Variants in REC114 observed in about 807,000 individuals in gnomAD.
REC114 encodes the protein REC114 meiotic recombination protein, also known as meiotic recombination protein REC114.
Under a neutral mutation model 31.3 loss-of-function variants are expected in REC114, and 27 were observed. The observed-to-expected ratio is 0.86, with a 90% CI of 0.64 to 1.19. The LOEUF (loss-of-function observed/expected upper bound fraction) is 1.19. Ranked by LOEUF, REC114 falls within the 50% of genes most tolerant of loss-of-function variation. The pLI is 0.00. For missense variants in REC114, 344 were observed against 326.9 expected, an observed-to-expected ratio of 1.05 and a Z score of -0.40; for synonymous variants, 134 against 127.7, an observed-to-expected ratio of 1.05 and a Z score of -0.33.
rs1893169820 is a variant in REC114, at chr15:73,473,832, G to GT, written c.165dup (p.Asp56Ter). On this transcript the variant is annotated frameshift_variant and splice_region_variant, in exon 2 of 6. Transcript: ENST00000331090. LOFTEE classifies it high-confidence loss of function. ...TATTTTTCTCCTTCTCCCTTTCAAGGTTTTTGATTCCAATGAAGAATCTGG... is the reference window on the plus strand; with the variant it reads ...TATTTTTCTCCTTCTCCCTTTCAAGGTTTTTTGATTCCAATGAAGAATCTGG... 2 of 1,553,224 alleles carry GT rather than the reference G, an allele frequency of 1.3e-6. No homozygotes were observed. Among genetic ancestry groups the GT allele is most frequent in the Non-Finnish European group, 1.8e-6 (2 of 1,141,708 alleles).
intron 3 of REC114, among the ~76,000 whole-genome samples, chr15:73,542,475 G>C (rs1316961213): frequency 6.6e-6 from 1 of 152,046 alleles, no homozygotes; most frequent in African/African-American, 2.4e-5. Context: ...GGTTGCTGCA[G>C]CTCTACTATA....
chr15:73,523,184 GA>G, intron 2 of REC114, among the ~76,000 whole-genome samples: 1 of 151,956 alleles, frequency 6.6e-6, no homozygotes, highest in African/African-American at 2.4e-5. Context: ...TGTGATAAAA[GA>G]AAAACTTCAG....
At chr15:73,557,371 C>T (rs1398240374) in intron 5 of REC114, among the ~76,000 whole-genome samples, 1 of 143,144 alleles carries the variant, frequency 7.0e-6, no homozygotes, top group South Asian at 2.2e-4. Flanking sequence ...TGCCCGGCCA[C>T]ATTTTCTTTT....
At chr15:73,522,281 T>A (rs1893947124) in intron 2 of REC114, among the ~76,000 whole-genome samples, 1 of 152,186 alleles carries the variant, frequency 6.6e-6, no homozygotes, top group South Asian at 2.1e-4. Context: ...AACTTACACT[T>A]GTCCTTCAAG....
intron 5 of REC114, among the ~76,000 whole-genome samples, chr15:73,559,123 T>C (rs1201217967): frequency 6.6e-6 from 1 of 152,220 alleles, no homozygotes; most frequent in Non-Finnish European, 1.5e-5. Context: ...TCAGTAGTTA[T>C]TAAGGGTTAA....
intron 1 of REC114, among the ~76,000 whole-genome samples, chr15:73,470,657 G>T (rs1893122030): frequency 6.6e-6 from 1 of 152,178 alleles, no homozygotes; most frequent in Admixed American, 6.5e-5. Context: ...TTTCTGCTCA[G>T]GGAAGACTAG....
At chr15:73,558,923 A>G (rs545676666) in intron 5 of REC114, among the ~76,000 whole-genome samples, 1 of 152,354 alleles carries the variant, frequency 6.6e-6, no homozygotes, top group Non-Finnish European at 1.5e-5. Context: ...GAGCACAGAT[A>G]ACCAAACTGT....
chr15:73,464,885 TTTTG>T (rs369465530), intron 1 of REC114, among the ~76,000 whole-genome samples: 1,569 of 152,038 alleles, frequency 0.01, 26 homozygotes, highest in African/African-American at 0.036. Flanking sequence ...ATGATGTGTT[TTTTG>T]TTTGTTTGTT....
chr15:73,520,531 T>C (rs1467813818), intron 2 of REC114, among the ~76,000 whole-genome samples: 2 of 152,120 alleles, frequency 1.3e-5, no homozygotes, highest in Non-Finnish European at 2.9e-5. Flanking sequence ...CCTGGCCTAT[T>C]GTATTTCTTA....
intron 1 of REC114, among the ~76,000 whole-genome samples, chr15:73,471,342 T>G (rs1016847950): frequency 6.6e-5 from 10 of 152,156 alleles, no homozygotes; most frequent in Non-Finnish European, 2.9e-5. Context: ...ATTCCATGGT[T>G]TAGCCAAAGA....
intron 3 of REC114, among the ~76,000 whole-genome samples, chr15:73,547,272 G>C (rs984033434): frequency 2.0e-5 from 3 of 152,034 alleles, no homozygotes; most frequent in African/African-American, 7.2e-5. Flanking sequence ...AAAAGCAAAT[G>C]GTAAACAGGT....
intron 2 of REC114, among the ~76,000 whole-genome samples, chr15:73,488,496 T>TC (rs1893402694): frequency 6.6e-6 from 1 of 152,230 alleles, no homozygotes; most frequent in Admixed American, 6.5e-5. Context: ...ATACAGCACC[T>TC]AGAGTATTTT....
chr15:73,511,431 G>A (rs1175851650), intron 2 of REC114, among the ~76,000 whole-genome samples: 5 of 152,038 alleles, frequency 3.3e-5, no homozygotes, highest in South Asian at 2.1e-4. Flanking sequence ...GGTTTTTTGT[G>A]TCTCTATTTC....
rs953331497 is a variant in REC114 at position 73,542,332 on chromosome 15, AAAAAAAAAAAAG to A, written c.333+1783_333+1794del. Among the ~76,000 whole-genome samples the A allele has an allele frequency of 2.0e-3, 65 of 33,306 alleles. No individual in the cohort carries two copies. In the South Asian group the frequency reaches 0.054, roughly 28 times the overall value. The allele number at this position is 33,306 out of a possible 152,430, so 21.9% of individuals were successfully genotyped here. On this transcript the variant is annotated intron_variant, in intron 3 of 5. Coordinates refer to ENST00000331090, the MANE Select transcript of REC114 (RefSeq NM_001042367.2). The stretch of plus-strand genomic sequence containing the variant: ...GGCAACAGAGCAAGACTCTGTCTCA[AAAAAAAAAAAAG>A]AAAAAAAAAAAGAAAAAAGAAATCT...
chr15:73,527,545 C>G (rs999904496), intron 2 of REC114, among the ~76,000 whole-genome samples: 1 of 152,132 alleles, frequency 6.6e-6, no homozygotes, highest in Admixed American at 6.5e-5. Context: ...CACTTTGTCT[C>G]CCTTTTATCA....
intron 1 of REC114, among the ~76,000 whole-genome samples, chr15:73,468,377 T>C (rs1370441206): frequency 6.6e-6 from 1 of 152,212 alleles, no homozygotes; most frequent in Non-Finnish European, 1.5e-5. Flanking sequence ...TTTCAGGTTC[T>C]AGTTCTTCAT....
chr15:73,523,138 A>C (rs990598183), intron 2 of REC114, among the ~76,000 whole-genome samples: 2 of 152,178 alleles, frequency 1.3e-5, no homozygotes, highest in Non-Finnish European at 2.9e-5. Flanking sequence ...ATATATATTT[A>C]TGTATATATT....
chr15:73,479,081 G>A (rs1893256737), intron 2 of REC114, among the ~76,000 whole-genome samples: 1 of 151,974 alleles, frequency 6.6e-6, no homozygotes, highest in Admixed American at 6.6e-5. Context: ...TGGCTAGGAT[G>A]TCCTTTTCAA....
intron 2 of REC114, among the ~76,000 whole-genome samples, chr15:73,538,747 A>G (rs116087926): frequency 0.11 from 16,258 of 151,978 alleles, 1,136 homozygotes; most frequent in African/African-American, 0.2. Flanking sequence ...GAGCCACCGC[A>G]CCTGGCTCAA....
Sources: allele counts gnomAD v4.1 joint callset (sites outside exome capture counted in the v4.1 genomes callset), GRCh38; gene constraint gnomAD v4.1.1; transcripts MANE v1.5; gene names NCBI Gene and HGNC (gene_info 2026-07-23, HGNC 2026-07-21).